The following LINGO2 variants were observed in gnomAD, a reference collection of about 807,000 sequenced individuals.
LINGO2 encodes leucine rich repeat and Ig domain containing 2.
A neutral mutation model predicts 30.6 loss-of-function variants in LINGO2; 14 were observed. The observed-to-expected ratio is 0.46, with a 90% CI of 0.30 to 0.72. LINGO2 has a LOEUF of 0.72. Among genes scored for constraint, LINGO2 ranks in the 30% least tolerant of loss-of-function variants. The pLI, the probability that LINGO2 is intolerant of heterozygous loss-of-function variation, is 0.07. For missense variants in LINGO2, 729 were observed against 751.7 expected, an observed-to-expected ratio of 0.97 and a Z score of 0.35; for synonymous variants, 317 against 288.5, an observed-to-expected ratio of 1.10 and a Z score of -1.00.
intron 1 of LINGO2, among the ~76,000 whole-genome samples, chr9:28,514,059 C>T (rs141928579): frequency 5.3e-5 from 8 of 152,290 alleles, no homozygotes; most frequent in East Asian, 1.9e-4. Flanking sequence ...CTCTGATCCA[C>T]GATCTTTGAC....
chr9:28,935,791 A>G, the LINGO2 span, among the ~76,000 whole-genome samples: 1 of 152,050 alleles, frequency 6.6e-6, no homozygotes, highest in Non-Finnish European at 1.5e-5. Flanking sequence ...ATTCATTTTG[A>G]TAAAAATAAA....
chr9:27,996,999 C>A (rs1322592595), intron 5 of LINGO2, among the ~76,000 whole-genome samples: 31 of 152,182 alleles, frequency 2.0e-4, no homozygotes, highest in Non-Finnish European at 1.3e-4. Context: ...TTAGCTGACA[C>A]AGGTTTCAAA....
the LINGO2 span, among the ~76,000 whole-genome samples, chr9:28,974,540 T>C: frequency 6.6e-6 from 1 of 152,200 alleles, no homozygotes; most frequent in Non-Finnish European, 1.5e-5. Flanking sequence ...AAATGGGAGT[T>C]CCCTTGTTAT....
intron 4 of LINGO2, among the ~76,000 whole-genome samples, chr9:28,203,507 T>C (rs1027708720): frequency 1.3e-5 from 2 of 152,148 alleles, no homozygotes; most frequent in African/African-American, 2.4e-5. Context: ...CTTGGAATCA[T>C]ACTTGGAAGG....
chr9:28,150,185 C>T (rs1827957498), intron 4 of LINGO2, among the ~76,000 whole-genome samples: 2 of 147,298 alleles, frequency 1.4e-5, no homozygotes, highest in Admixed American at 1.3e-4. Context: ...CGCCTCTGCC[C>T]AGCCCCTGCA....
chr9:28,443,662 C>A (rs547023532), intron 2 of LINGO2, among the ~76,000 whole-genome samples: 1 of 152,220 alleles, frequency 6.6e-6, no homozygotes, highest in Non-Finnish European at 1.5e-5. Context: ...GACATGCCAG[C>A]CCCTGCTACC....
intron 1 of LINGO2, among the ~76,000 whole-genome samples, chr9:28,492,093 T>A (rs1488394600): frequency 1.3e-5 from 2 of 152,194 alleles, no homozygotes; most frequent in African/African-American, 4.8e-5. Context: ...TCAAAACAAT[T>A]TCATATCAGA....
intron 3 of LINGO2, among the ~76,000 whole-genome samples, chr9:28,368,654 T>G (rs1820773217): frequency 6.6e-6 from 1 of 151,064 alleles, no homozygotes; most frequent in African/African-American, 2.4e-5. Flanking sequence ...TGGAGTGCAG[T>G]GGCGCTATCT....
chr9:28,248,736 T>A (rs114272432), intron 4 of LINGO2, among the ~76,000 whole-genome samples: 1,880 of 152,318 alleles, frequency 0.012, 45 homozygotes, highest in African/African-American at 0.043. Context: ...CCCATAAATA[T>A]ATACAACTAC....
chr9:28,194,522 C>G (rs1445456771), intron 4 of LINGO2, among the ~76,000 whole-genome samples: 1 of 145,876 alleles, frequency 6.9e-6, no homozygotes, highest in Admixed American at 7.0e-5. Context: ...CATCATATTC[C>G]TTTCACAAGA....
At chr9:29,035,193 G>C in the LINGO2 span, among the ~76,000 whole-genome samples, 5 of 152,008 alleles carry the variant, frequency 3.3e-5, no homozygotes, top group Non-Finnish European at 5.9e-5. Context: ...GTTAGAACTG[G>C]AAAGGTCCTC....
At position 28,103,095 on chromosome 9, in the gene LINGO2, G is replaced by A. The variant is rs1300107177; in HGVS notation, c.-86-90690C>T. Among the ~76,000 whole-genome samples the A allele has an allele frequency of 3.3e-5, 5 of 152,216 alleles. No individual in the cohort carries two copies. In the East Asian group the frequency reaches 7.7e-4, roughly 24 times the overall value. On this transcript the variant is annotated intron_variant, in intron 4 of 5. Coordinates refer to ENST00000379992, the Ensembl canonical transcript of LINGO2. The stretch of plus-strand genomic sequence containing the variant: ...GGTCATTAGCATTCTTCCAAGTTTA[G>A]ATTAGCCTGGATTCTAGAAGACTTA...
chr9:28,552,160 C>T (rs1010849668), intron 1 of LINGO2, among the ~76,000 whole-genome samples: 1 of 151,954 alleles, frequency 6.6e-6, no homozygotes, highest in Non-Finnish European at 1.5e-5. Context: ...ATCAAGCCCT[C>T]CTGATAAATC....
chr9:28,485,517 A>C (rs1339587958), intron 1 of LINGO2, among the ~76,000 whole-genome samples: 3 of 152,140 alleles, frequency 2.0e-5, no homozygotes, highest in Admixed American at 6.6e-5. Context: ...AGCTCATTAT[A>C]GCCTGAAGAG....
At chr9:28,825,663 A>G in the LINGO2 span, among the ~76,000 whole-genome samples, 1 of 151,988 alleles carries the variant, frequency 6.6e-6, no homozygotes. Context: ...CCTGCAGTAA[A>G]ATAGGCCTAC....
chr9:28,981,533 C>T, the LINGO2 span, among the ~76,000 whole-genome samples: 1 of 152,074 alleles, frequency 6.6e-6, no homozygotes, highest in Non-Finnish European at 1.5e-5. Flanking sequence ...CAAATGAAGG[C>T]ACCAAGCAAG....
the LINGO2 span, among the ~76,000 whole-genome samples, chr9:28,774,301 G>A: frequency 6.6e-6 from 1 of 151,942 alleles, no homozygotes; most frequent in African/African-American, 2.4e-5. Flanking sequence ...ACGGTTCACT[G>A]AATAGCAAAA....
chr9:28,314,349 C>G, intron 3 of LINGO2, among the ~76,000 whole-genome samples: 1 of 152,148 alleles, frequency 6.6e-6, no homozygotes, highest in Non-Finnish European at 1.5e-5. Context: ...AATAAATCCA[C>G]AAATCTTTCA....
intron 1 of LINGO2, among the ~76,000 whole-genome samples, chr9:28,611,787 T>C (rs76308212): frequency 0.036 from 5,419 of 151,704 alleles, 126 homozygotes; most frequent in African/African-American, 0.049. Flanking sequence ...TGCCACATTT[T>C]CTTTTTTATT....
Sources: allele counts gnomAD v4.1 joint callset (sites outside exome capture counted in the v4.1 genomes callset), GRCh38; gene constraint gnomAD v4.1.1; transcripts MANE v1.5; gene names NCBI Gene and HGNC (gene_info 2026-07-23, HGNC 2026-07-21).